NCAM2: variants seen among roughly 807,000 people sequenced by gnomAD.
The protein encoded by NCAM2 is neural cell adhesion molecule 2, also known as N-CAM-2.
In NCAM2, 30 loss-of-function variants were observed where a neutral mutation model predicts 98.1. The observed-to-expected ratio is 0.31, with a 90% CI of 0.23 to 0.41. NCAM2 has a LOEUF of 0.41. Ranked by LOEUF, NCAM2 falls within the 10% of genes least tolerant of loss-of-function variation. The pLI is 1.00. For synonymous variants in NCAM2, 368 were observed against 342.4 expected (o/e 1.07, Z -0.83); for missense variants, 867 against 1,005.8 (o/e 0.86, Z 1.87).
chr21:21,208,522 GACA>G (rs1246239623), intron 1 of NCAM2, among the ~76,000 whole-genome samples: 1 of 152,088 alleles, frequency 6.6e-6, no homozygotes, highest in Non-Finnish European at 1.5e-5. Context: ...TTGGGTAAAA[GACA>G]GCATCTTTTT....
chr21:21,183,465 G>T (rs376214521), intron 1 of NCAM2, among the ~76,000 whole-genome samples: 1 of 152,114 alleles, frequency 6.6e-6, no homozygotes, highest in Admixed American at 6.6e-5. Context: ...ATGCCATGGG[G>T]ACATATTAGT....
chr21:21,389,688 C>T (rs1179793229), intron 9 of NCAM2, among the ~76,000 whole-genome samples: 3 of 152,072 alleles, frequency 2.0e-5, no homozygotes, highest in South Asian at 2.1e-4. Flanking sequence ...TGTCTTTTAC[C>T]GCCTGACTTA....
At chr21:21,161,158 A>G (rs549652612) in intron 1 of NCAM2, among the ~76,000 whole-genome samples, 1 of 152,198 alleles carries the variant, frequency 6.6e-6, no homozygotes, top group African/African-American at 2.4e-5. Context: ...GAAAAAATTT[A>G]TAACACATGA....
chr21:21,069,366 G>A (rs1428210078), intron 1 of NCAM2, among the ~76,000 whole-genome samples: 2 of 152,124 alleles, frequency 1.3e-5, no homozygotes, highest in African/African-American at 4.8e-5. Flanking sequence ...AGACCCTTTA[G>A]GTTAAAAATG....
chr21:21,075,523 ATT>A (rs1489923699), intron 1 of NCAM2, among the ~76,000 whole-genome samples: 2 of 152,074 alleles, frequency 1.3e-5, no homozygotes, highest in Non-Finnish European at 2.9e-5. Context: ...GGACAGATGT[ATT>A]TGCCGTGTTC....
chr21:21,357,097 A>C (rs1220499113), intron 8 of NCAM2, among the ~76,000 whole-genome samples: 5 of 152,180 alleles, frequency 3.3e-5, no homozygotes, highest in Admixed American at 1.3e-4. Context: ...ATTAGTAGTC[A>C]TTTTTTATGA....
At chr21:21,327,936 A>G (rs2074563255) in intron 6 of NCAM2, among the ~76,000 whole-genome samples, 1 of 152,246 alleles carries the variant, frequency 6.6e-6, no homozygotes, top group African/African-American at 2.4e-5. Flanking sequence ...CAGTGACTCT[A>G]AAGGTTCCCC....
intron 1 of NCAM2, chr21:21,239,238 A>AT (rs2070967462): frequency 6.6e-6 from 1 of 152,190 alleles, no homozygotes; most frequent in Non-Finnish European, 1.5e-5. Context: ...CCATATTAAA[A>AT]ATATATATAA....
At chr21:21,370,433 G>A (rs2075890020) in intron 8 of NCAM2, among the ~76,000 whole-genome samples, 3 of 151,832 alleles carry the variant, frequency 2.0e-5, no homozygotes, top group East Asian at 1.9e-4. Context: ...TTATTGGCAT[G>A]TTTTGGTGTT....
At chr21:21,083,567 C>A (rs1216860437) in intron 1 of NCAM2, among the ~76,000 whole-genome samples, 1 of 151,892 alleles carries the variant, frequency 6.6e-6, no homozygotes, top group Admixed American at 6.6e-5. Context: ...ATGCATGTCA[C>A]CACACCCAAC....
At position 21,067,019 on chromosome 21, in the gene NCAM2, T is replaced by C. The variant is rs141988219; in HGVS notation, c.55+68401T>C. Reference sequence around the variant, plus strand: ...GGAAATCATTAAAAATATATGCGTCTGTTTAAGTAGGTTTATGCAGATATG... The same window carrying C: ...GGAAATCATTAAAAATATATGCGTCCGTTTAAGTAGGTTTATGCAGATATG... On this transcript the variant is annotated intron_variant, in intron 1 of 17. Coordinates refer to ENST00000400546, the MANE Select transcript of NCAM2 (RefSeq NM_004540.5). Among the ~76,000 whole-genome samples, 1,092 of 152,092 alleles carry C rather than the reference T, an allele frequency of 7.2e-3. 15 individuals are homozygous for C. Among genetic ancestry groups the C allele is most frequent in the African/African-American group, 0.024 (1,000 of 41,540 alleles).
chr21:21,527,336 C>T (rs1989382437), intron 16 of NCAM2, among the ~76,000 whole-genome samples: 1 of 152,054 alleles, frequency 6.6e-6, no homozygotes, highest in Non-Finnish European at 1.5e-5. Context: ...TGGTCTCGAA[C>T]TCCTGACCTC....
At chr21:21,288,825 T>C (rs565725367) in intron 4 of NCAM2, among the ~76,000 whole-genome samples, 1 of 152,090 alleles carries the variant, frequency 6.6e-6, no homozygotes, top group Non-Finnish European at 1.5e-5. Context: ...ATATAGATAT[T>C]CCAGAGGAAA....
chr21:21,411,183 GGTAAT>G (rs1368498624), intron 10 of NCAM2, among the ~76,000 whole-genome samples: 1 of 75,936 alleles, frequency 1.3e-5, no homozygotes, highest in African/African-American at 4.8e-5. Context: ...AGAAAAAATT[GGTAAT>G]GTAATAGTTA....
intron 15 of NCAM2, among the ~76,000 whole-genome samples, chr21:21,478,243 T>G (rs946479593): frequency 6.6e-6 from 1 of 152,156 alleles, no homozygotes; most frequent in African/African-American, 2.4e-5. Flanking sequence ...TTTCCCTCAG[T>G]TATTACTTTT....
At chr21:21,479,583 C>CAA (rs1156588500) in intron 15 of NCAM2, among the ~76,000 whole-genome samples, 1,914 of 30,524 alleles carry the variant, frequency 0.063, 224 homozygotes, top group Middle Eastern at 0.23. Flanking sequence ...GACTGCGTCT[C>CAA]AAAAAAAAAA....
intron 5 of NCAM2, among the ~76,000 whole-genome samples, chr21:21,317,931 A>G (rs1407565858): frequency 6.6e-6 from 1 of 152,212 alleles, no homozygotes; most frequent in African/African-American, 2.4e-5. Context: ...GACATAAAAC[A>G]GGTGAATTCT....
intron 9 of NCAM2, among the ~76,000 whole-genome samples, chr21:21,398,387 C>T (rs1280459930): frequency 6.6e-6 from 1 of 152,036 alleles, no homozygotes. Flanking sequence ...AACCAAACAC[C>T]ACCTGTTCCC....
intron 16 of NCAM2, among the ~76,000 whole-genome samples, chr21:21,510,569 C>T (rs1031655610): frequency 6.4e-5 from 9 of 141,730 alleles, no homozygotes; most frequent in East Asian, 4.2e-4. Flanking sequence ...TCTGTTGAAG[C>T]GTGGAAGGTC....
Sources: gnomAD v4.1 joint callset for allele counts (sites outside exome capture counted in the v4.1 genomes callset) on GRCh38, gnomAD v4.1.1 for gene constraint, MANE v1.5 for transcripts, NCBI Gene and HGNC (gene_info 2026-07-23, HGNC 2026-07-21) for gene names.